The following PPP2R1B variants were observed in gnomAD, a reference collection of about 807,000 sequenced individuals.
PPP2R1B encodes serine/threonine-protein phosphatase 2A 65 kDa regulatory subunit A beta isoform.
PPP2R1B carries 58 observed loss-of-function variants against 72.7 expected under a neutral mutation model. The observed-to-expected ratio is 0.80, with a 90% CI of 0.65 to 0.99. PPP2R1B has a LOEUF of 0.99. Ranked by LOEUF, PPP2R1B falls within the 50% of genes least tolerant of loss-of-function variation. The pLI is 0.00. For missense variants in PPP2R1B, 695 were observed against 733.6 expected (o/e 0.95, Z 0.61); for synonymous variants, 256 against 264.6 (o/e 0.97, Z 0.32).
chr11:111,712,922 T>C, the PPP2R1B span, among the ~76,000 whole-genome samples: 1 of 152,200 alleles, frequency 6.6e-6, no homozygotes, highest in South Asian at 2.1e-4. Flanking sequence ...CCCAGCACTT[T>C]GGGAGGCCGA....
the PPP2R1B span, among the ~76,000 whole-genome samples, chr11:111,694,176 T>C: frequency 8.5e-5 from 13 of 152,308 alleles, no homozygotes; most frequent in Admixed American, 4.6e-4. Context: ...TATAATTGAT[T>C]CCCTGTGAAA....
chr11:111,724,502 T>C (rs1263620702), downstream of PPP2R1B: 4 of 230,802 alleles, frequency 1.7e-5, no homozygotes, highest in East Asian at 2.0e-4. Context: ...AGAAAGGGTG[T>C]GTGCTATTGC....
chr11:111,759,692 C>A, intron 5 of PPP2R1B, 112 bp downstream of exon 5: 1 of 1,235,048 alleles, frequency 8.1e-7, no homozygotes, highest in Non-Finnish European at 1.1e-6. Flanking sequence ...AGAATCAGCA[C>A]TAATTCTGTA....
At chr11:111,708,361 G>A in the PPP2R1B span, among the ~76,000 whole-genome samples, 2 of 152,022 alleles carry the variant, frequency 1.3e-5, no homozygotes, top group African/African-American at 2.4e-5. Context: ...CAGTCTGGGC[G>A]ACACAGTGAG....
chr11:111,722,828 CT>C, downstream of PPP2R1B: 1 of 1,389,470 alleles, frequency 7.2e-7, no homozygotes, highest in Non-Finnish European at 1.0e-6. The surrounding 1 kb of genome is among the most constrained non-coding windows in gnomAD (Gnocchi z 4.4). Context: ...ATGTGTTGTC[CT>C]TTTCCTCTCA....
the PPP2R1B span, chr11:111,705,039 T>C: frequency 3.1e-6 from 5 of 1,611,318 alleles, no homozygotes; most frequent in African/African-American, 1.3e-5. This position sits in a 1 kb window ranked among gnomAD's most constrained non-coding sequence, Gnocchi z 4.3. Flanking sequence ...TTCTTGTTGG[T>C]GGAGCGCCTG....
rs578157139 is a variant in PPP2R1B at position 111,758,201 on chromosome 11, T to C, written c.687+1603A>G. Among the ~76,000 whole-genome samples the C allele has an allele frequency of 2.6e-5, 4 of 152,366 alleles. No homozygotes were observed. In the South Asian group the frequency reaches 8.3e-4, roughly 32 times the overall value. ...AATTTCACCTATTTCTTTTTTCTTATAAAAACATGGCCAGTAGAAAACTTA... is the reference window on the plus strand; with the variant it reads ...AATTTCACCTATTTCTTTTTTCTTACAAAAACATGGCCAGTAGAAAACTTA... On this transcript the variant is annotated intron_variant, in intron 5 of 14. Transcript: ENST00000527614.
the PPP2R1B span, among the ~76,000 whole-genome samples, chr11:111,694,251 T>A: frequency 6.6e-6 from 1 of 152,232 alleles, no homozygotes; most frequent in African/African-American, 2.4e-5. Context: ...TAACTAAGGC[T>A]TTAAAGCCTT....
chr11:111,750,250 A>C (rs769210632), intron 10 of PPP2R1B, among the ~76,000 whole-genome samples: 1 of 152,224 alleles, frequency 6.6e-6, no homozygotes, highest in Non-Finnish European at 1.5e-5. Context: ...AATAAATTCC[A>C]TATGTTGTGA....
At position 111,740,741 on chromosome 11, in the gene PPP2R1B, AAAG is replaced by A. The variant is rs769992863; in HGVS notation, c.*852_*854del. The A allele has an allele frequency of 1.0e-6, 1 of 985,474 alleles. No homozygotes were observed. Among genetic ancestry groups the A allele is most frequent in the Non-Finnish European group, 1.2e-6 (1 of 829,924 alleles). The allele number at this position is 985,474 out of a possible 1,614,324, so 61.0% of individuals were successfully genotyped here. On this transcript the variant is annotated 3_prime_UTR_variant, in exon 15 of 15. Coordinates refer to ENST00000527614, the MANE Select transcript of PPP2R1B (RefSeq NM_002716.5). Reference sequence around the variant, plus strand: ...AATACTGCTGGAAGCAGAGCCAGGTAAAGAACAGGAAATCTGCACAGTATTATC... The same window carrying A: ...AATACTGCTGGAAGCAGAGCCAGGTAAACAGGAAATCTGCACAGTATTATC...
At chr11:111,761,774 C>T (rs1945338452) in intron 3 of PPP2R1B, among the ~76,000 whole-genome samples, 1 of 152,168 alleles carries the variant, frequency 6.6e-6, no homozygotes, top group Non-Finnish European at 1.5e-5. Context: ...GCCTGGCCAA[C>T]ATGGTGGAAC....
rs1944931242 is a variant in PPP2R1B at position 111,752,162 on chromosome 11, C to A, written c.1335G>T (p.Gln445His). The change falls in exon 10 of 15, where the codon CAG becomes CAT. Residue 445 changes from glutamine to histidine, a missense_variant. Physicochemically the swap from Gln to His is conservative, Grantham distance 24 (BLOSUM62 0). Coordinates refer to ENST00000527614, the MANE Select transcript of PPP2R1B (RefSeq NM_002716.5). ...TCATGGAGCAACACATACTCACCAG[C>A]TGGCCTGCCAGCAGCGGCATATACT... ...IIEYMPLLAG[Q>H]LGVEFFDEKL... 3 of 1,605,780 alleles carry A rather than the reference C, an allele frequency of 1.9e-6. No homozygotes were observed. The highest frequency in any genetic ancestry group is 2.5e-6 in the Non-Finnish European group (3 of 1,176,666).
At chr11:111,733,989 C>A (rs1313811130), downstream of PPP2R1B, among the ~76,000 whole-genome samples, 1 of 152,206 alleles carries the variant, frequency 6.6e-6, no homozygotes, top group African/African-American at 2.4e-5. Flanking sequence ...GGCCTCGGCC[C>A]CTGGCGCCCT....
chr11:111,730,220 C>T (rs1345113375), intron 15 of PPP2R1B: 2 of 152,216 alleles, frequency 1.3e-5, no homozygotes, highest in East Asian at 3.8e-4. Flanking sequence ...ATCCTGGAAA[C>T]ATATGACCCC....
chr11:111,703,615 C>G, the PPP2R1B span, among the ~76,000 whole-genome samples: 1 of 152,172 alleles, frequency 6.6e-6, no homozygotes, highest in Non-Finnish European at 1.5e-5. Context: ...TTCTTTGCCC[C>G]CATCTGCCAA....
the PPP2R1B span, among the ~76,000 whole-genome samples, chr11:111,709,236 T>G: frequency 1.3e-5 from 2 of 152,180 alleles, no homozygotes; most frequent in Non-Finnish European, 2.9e-5. Flanking sequence ...GAGAAAGATC[T>G]CTGGTGTCTC....
At chr11:111,760,726 A>C in intron 4 of PPP2R1B, 93 bp downstream of exon 4, 5 of 1,098,032 alleles carry the variant, frequency 4.6e-6, no homozygotes, top group Non-Finnish European at 6.8e-6. Context: ...GTACTATGTA[A>C]ATTGTCAGCT....
chr11:111,746,487 G>T (rs891823254), intron 11 of PPP2R1B, among the ~76,000 whole-genome samples: 9 of 152,126 alleles, frequency 5.9e-5, no homozygotes, highest in Admixed American at 6.5e-5. Context: ...GGTGAGGGGC[G>T]AGGGGAGGGA....
chr11:111,704,469 A>G, the PPP2R1B span, among the ~76,000 whole-genome samples: 1 of 152,222 alleles, frequency 6.6e-6, no homozygotes, highest in Non-Finnish European at 1.5e-5. Context: ...TTACCTAAGA[A>G]CGGAGACATA....
Sources: allele counts gnomAD v4.1 joint callset (sites outside exome capture counted in the v4.1 genomes callset), GRCh38; gene constraint gnomAD v4.1.1; non-coding constraint Gnocchi (gnomAD v3.1); transcripts MANE v1.5; gene names NCBI Gene and HGNC (gene_info 2026-07-23, HGNC 2026-07-21).